CACNA1B: variants seen among roughly 807,000 people sequenced by gnomAD.
The protein encoded by CACNA1B is calcium voltage-gated channel subunit alpha1 B.
In CACNA1B, 70 loss-of-function variants were observed where a neutral mutation model predicts 247.2. The ratio of observed to expected loss-of-function variants is 0.28; its 90% CI spans 0.23 to 0.35. The LOEUF is 0.35. Ranked by LOEUF, CACNA1B falls within the 10% of genes least tolerant of loss-of-function variation. CACNA1B has a pLI of 1.00. For synonymous variants in CACNA1B, 1,231 were observed against 1,294.4 expected (o/e 0.95, Z 1.05); for missense variants, 2,367 against 3,197.4 (o/e 0.74, Z 6.26).
At chr9:137,943,423 G>A (rs1228514091) in intron 6 of CACNA1B, among the ~76,000 whole-genome samples, 1 of 152,184 alleles carries the variant, frequency 6.6e-6, no homozygotes, top group Non-Finnish European at 1.5e-5. Flanking sequence ...GAGAGATAAA[G>A]AACGAGTCAT....
chr9:137,920,360 C>G (rs1397391758), intron 6 of CACNA1B, among the ~76,000 whole-genome samples: 2 of 152,162 alleles, frequency 1.3e-5, no homozygotes, highest in African/African-American at 2.4e-5. Flanking sequence ...CCCCATCCAG[C>G]TAATTTTTGT....
intron 10 of CACNA1B, among the ~76,000 whole-genome samples, chr9:137,961,960 G>C (rs1958026004): frequency 6.6e-6 from 1 of 152,154 alleles, no homozygotes; most frequent in Non-Finnish European, 1.5e-5. Context: ...ATTGATACCA[G>C]CTCATCTTTG....
At chr9:137,879,697 A>G (rs1956890154) in intron 2 of CACNA1B, among the ~76,000 whole-genome samples, 1 of 152,184 alleles carries the variant, frequency 6.6e-6, no homozygotes, top group African/African-American at 2.4e-5. Flanking sequence ...CTGTCCCCAG[A>G]TTCCAGCCAA....
chr9:138,059,119 G>A lies in CACNA1B; in HGVS notation c.4514G>A (p.Cys1505Tyr). 1 of 1,613,116 alleles carries A rather than the reference G, an allele frequency of 6.2e-7. No homozygotes were observed. Among genetic ancestry groups the A allele is most frequent in the Middle Eastern group, 1.6e-4 (1 of 6,062 alleles). Reference sequence around the variant, plus strand: ...TATGAGTACGAGCTGATGCTGAAATGCCTGAACATCGTGTTCACATCCATG... The same window carrying A: ...TATGAGTACGAGCTGATGCTGAAATACCTGAACATCGTGTTCACATCCATG... The part of the protein sequence containing the change: ...APYEYELMLK[C>Y]LNIVFTSMFS... Residue 1505 changes from cysteine (C) to tyrosine (Y), a missense_variant, in exon 30 of 47, where the codon TGC becomes TAC. Physicochemically the swap from Cys to Tyr is radical, Grantham distance 194. Coordinates refer to ENST00000371372, the MANE Select transcript of CACNA1B (RefSeq NM_000718.4). The surrounding 1 kb of genome is among the most constrained non-coding windows in gnomAD (Gnocchi z 4.2).
intron 15 of CACNA1B, among the ~76,000 whole-genome samples, chr9:137,993,663 C>G (rs983019037): frequency 1.3e-5 from 2 of 152,172 alleles, no homozygotes; most frequent in Admixed American, 1.3e-4. Context: ...ATTAGATACC[C>G]TGAACAGACC....
intron 12 of CACNA1B, among the ~76,000 whole-genome samples, chr9:137,976,708 T>C (rs1015121375): frequency 3.2e-5 from 4 of 123,906 alleles, no homozygotes; most frequent in African/African-American, 9.7e-5. Flanking sequence ...CTTATGTAGG[T>C]AGGGGAAGCC....
intron 3 of CACNA1B, among the ~76,000 whole-genome samples, chr9:137,886,384 C>T (rs7029338): frequency 0.12 from 18,544 of 152,234 alleles, 2,947 homozygotes; most frequent in African/African-American, 0.36. Context: ...TCCCTGCCTT[C>T]GTCTGCCTTC....
At chr9:137,930,829 T>C (rs1331021668) in intron 6 of CACNA1B, among the ~76,000 whole-genome samples, 1 of 152,240 alleles carries the variant, frequency 6.6e-6, no homozygotes, top group Non-Finnish European at 1.5e-5. Context: ...TTTTTATCAT[T>C]ATATACATGT....
intron 10 of CACNA1B, among the ~76,000 whole-genome samples, chr9:137,966,358 G>T (rs1958076234): frequency 6.6e-6 from 1 of 150,614 alleles, no homozygotes; most frequent in African/African-American, 2.4e-5. Context: ...CTGAGTAGCT[G>T]GGACTACAGG....
chr9:137,967,415 C>T (rs1372363666), intron 10 of CACNA1B, among the ~76,000 whole-genome samples: 1 of 152,196 alleles, frequency 6.6e-6, no homozygotes, highest in Non-Finnish European at 1.5e-5. Flanking sequence ...ACAGGCTCCC[C>T]TATGCCCAGG....
chr9:138,117,996 G>A lies in CACNA1B; in HGVS notation c.5828G>A (p.Arg1943Lys). 6.3e-7 allele frequency: 1 copy of A among 1,598,500 alleles called. No homozygotes were observed. Among genetic ancestry groups the A allele is most frequent in the Non-Finnish European group, 8.5e-7 (1 of 1,171,534 alleles). Residue 1943 changes from arginine to lysine, a missense_variant, in exon 43 of 47, where the codon AGG (arginine) becomes AAG (lysine). Arg to Lys is a conservative substitution (Grantham distance 26). Around this residue, in one of 12 missense-constraint regions of CACNA1B, gnomAD observed 773 missense variants for 779.4 expected, o/e 0.99. Transcript: ENST00000371372. ...GAGTCTGTCTCCTGGGGCACTCAAA[G>A]GACCCAGGATGCACCCCATGAGGCC... Reference protein sequence around the residue: ...IKESVSWGTQRTQDAPHEARP... With the variant: ...IKESVSWGTQKTQDAPHEARP...
At chr9:138,034,166 T>C (rs1959016158) in intron 20 of CACNA1B, among the ~76,000 whole-genome samples, 1 of 152,180 alleles carries the variant, frequency 6.6e-6, no homozygotes, top group African/African-American at 2.4e-5. Context: ...CACCTCCAGG[T>C]AGCAGTAGAA....
intron 21 of CACNA1B, among the ~76,000 whole-genome samples, chr9:138,045,005 C>G (rs938416193): frequency 6.6e-5 from 10 of 152,206 alleles, no homozygotes; most frequent in African/African-American, 2.4e-4. Context: ...CACAGGAAGG[C>G]ACTGGCATTC....
At position 138,120,868 on chromosome 9, in the gene CACNA1B, G is replaced by A; in HGVS notation, c.6476G>A (p.Gly2159Glu). The change falls in exon 46 of 47, where the codon GGA becomes GAA. Residue 2159 changes from glycine to glutamate, a missense_variant. Physicochemically the swap from Gly to Glu is moderately conservative, Grantham distance 98. Coordinates refer to ENST00000371372, the MANE Select transcript of CACNA1B (RefSeq NM_000718.4). ...PTSPTAGQEP[G>E]PHPQGSGSVN... ...TCGCCAACAGCTGGCCAGGAGCCGGGACCCCACCCACAGGTAAGAGGAATA... is the reference window on the plus strand; with the variant it reads ...TCGCCAACAGCTGGCCAGGAGCCGGAACCCCACCCACAGGTAAGAGGAATA... The A allele has an allele frequency of 6.4e-7, 1 of 1,571,020 alleles. No homozygotes were observed.
chr9:138,098,260 C>T (rs768338070), intron 37 of CACNA1B, among the ~76,000 whole-genome samples: 6 of 152,198 alleles, frequency 3.9e-5, no homozygotes, highest in Non-Finnish European at 7.3e-5. Flanking sequence ...CACATTCACA[C>T]AGGACCTGTG....
intron 10 of CACNA1B, among the ~76,000 whole-genome samples, chr9:137,970,339 C>G (rs909420058): frequency 2.0e-5 from 3 of 152,202 alleles, no homozygotes; most frequent in South Asian, 2.1e-4. Context: ...AACCCTTACA[C>G]AGGCAGATGT....
chr9:138,069,347 G>A (rs1185497975), intron 31 of CACNA1B, among the ~76,000 whole-genome samples: 1 of 152,126 alleles, frequency 6.6e-6, no homozygotes, highest in East Asian at 1.9e-4. Context: ...AACTGACATT[G>A]ATTTCTTTGC....
intron 15 of CACNA1B, among the ~76,000 whole-genome samples, chr9:137,989,458 A>G (rs1219404533): frequency 2.0e-5 from 3 of 152,196 alleles, no homozygotes; most frequent in Admixed American, 1.3e-4. Flanking sequence ...CTTCCGAGTG[A>G]GTCCTGGAGA....
At chr9:138,101,304 C>T (rs1243502336) in intron 37 of CACNA1B, 3 of 459,930 alleles carry the variant, frequency 6.5e-6, no homozygotes, top group African/African-American at 2.0e-5. Context: ...ACCTTTCTTT[C>T]CTCCTGTCCT....
Sources: gnomAD v4.1 joint callset for allele counts (sites outside exome capture counted in the v4.1 genomes callset) on GRCh38, gnomAD v4.1.1 for gene constraint, gnomAD v4.1.1 regional missense constraint, Gnocchi (gnomAD v3.1) non-coding constraint, MANE v1.5 for transcripts, NCBI Gene and HGNC (gene_info 2026-07-23, HGNC 2026-07-21) for gene names.